Variants in ELAVL4 observed in about 807,000 individuals in gnomAD.
ELAVL4 encodes ELAV-like protein 4.
Under a neutral mutation model 35.6 loss-of-function variants are expected in ELAVL4, and 1 was observed. That is an observed-to-expected ratio of 0.03 (90% CI 0.01 to 0.13). ELAVL4 has a LOEUF of 0.13. ELAVL4 is among the 10% of genes least tolerant of loss of function. The pLI is 1.00. For missense variants in ELAVL4, 267 were observed against 464.9 expected, an observed-to-expected ratio of 0.57 and a Z score of 3.91; for synonymous variants, 156 against 171.0, an observed-to-expected ratio of 0.91 and a Z score of 0.69.
intron 1 of ELAVL4, among the ~76,000 whole-genome samples, chr1:50,068,018 A>G (rs1664345629): frequency 6.6e-6 from 1 of 152,188 alleles, no homozygotes; most frequent in Non-Finnish European, 1.5e-5. Context: ...GGATTATGGG[A>G]ACTATAATTC....
chr1:50,075,653 C>T (rs1006977625), intron 1 of ELAVL4, among the ~76,000 whole-genome samples: 1 of 152,170 alleles, frequency 6.6e-6, no homozygotes, highest in Non-Finnish European at 1.5e-5. Flanking sequence ...CCTATACTTA[C>T]AATGGTTCAA....
intron 2 of ELAVL4, chr1:50,174,330 A>G (rs1423142278): frequency 6.6e-6 from 1 of 152,158 alleles, no homozygotes; most frequent in African/African-American, 2.4e-5. Context: ...AGACTATCTC[A>G]TATCTTTCAA....
chr1:50,126,805 T>A (rs1255969724), intron 1 of ELAVL4, among the ~76,000 whole-genome samples: 1 of 151,936 alleles, frequency 6.6e-6, no homozygotes. Flanking sequence ...AAAACAAAAC[T>A]CCCCCATGAA....
chr1:50,135,183 T>TG (rs1236972926), intron 1 of ELAVL4, among the ~76,000 whole-genome samples: 4 of 152,116 alleles, frequency 2.6e-5, no homozygotes, highest in African/African-American at 9.7e-5. Context: ...GAGCAGAAGT[T>TG]GCTGTTTGAA....
chr1:50,078,165 A>G (rs1664851443), intron 1 of ELAVL4, among the ~76,000 whole-genome samples: 1 of 151,190 alleles, frequency 6.6e-6, no homozygotes, highest in Admixed American at 6.6e-5. Context: ...GTGTGTTTAT[A>G]TATCTATGTG....
chr1:50,052,480 T>C (rs562684341), intron 1 of ELAVL4, among the ~76,000 whole-genome samples: 1 of 152,332 alleles, frequency 6.6e-6, no homozygotes, highest in South Asian at 2.1e-4. Context: ...CTAATCTTTC[T>C]AGTTTTATAG....
At chr1:50,085,953 CAT>C (rs1208631548) in intron 1 of ELAVL4, among the ~76,000 whole-genome samples, 2 of 152,144 alleles carry the variant, frequency 1.3e-5, no homozygotes, top group Non-Finnish European at 2.9e-5. Context: ...TGTTTTCCCA[CAT>C]GTTTGTTCAC....
intron 2 of ELAVL4, among the ~76,000 whole-genome samples, chr1:50,152,099 A>G (rs1259659585): frequency 2.0e-5 from 3 of 152,116 alleles, no homozygotes; most frequent in African/African-American, 7.2e-5. Flanking sequence ...GTGCAGGTAC[A>G]TTATGCATCT....
intron 1 of ELAVL4, among the ~76,000 whole-genome samples, chr1:50,120,714 G>A (rs1357508902): frequency 1.3e-5 from 2 of 152,010 alleles, no homozygotes; most frequent in African/African-American, 4.8e-5. Context: ...GATGCTCATT[G>A]GTGAAGTCAC....
In ELAVL4 at chr1:50,183,938, G is replaced by A. The variant is rs185715565; in HGVS notation, c.354+6746G>A. Among the ~76,000 whole-genome samples the A allele has an allele frequency of 5.9e-5, 9 of 152,132 alleles. No individual in the cohort carries two copies. The East Asian group carries it at 1.2e-3, about 20-fold the overall frequency. ...GCATTTTCTCTCCTCCTCCATTACCGCTAGTCACAACCTGGGCGAGAATGC... is the reference window on the plus strand; with the variant it reads ...GCATTTTCTCTCCTCCTCCATTACCACTAGTCACAACCTGGGCGAGAATGC... On this transcript the variant is annotated intron_variant, in intron 3 of 6. Coordinates refer to ENST00000371824, the MANE Select transcript of ELAVL4 (RefSeq NM_001144774.3).
chr1:50,118,481 C>T (rs1480220010), intron 1 of ELAVL4, among the ~76,000 whole-genome samples: 2 of 121,764 alleles, frequency 1.6e-5, no homozygotes, highest in African/African-American at 8.2e-5. Context: ...ATTCATTACC[C>T]TCCCATTTGA....
chr1:50,093,165 T>G (rs1258515056), intron 1 of ELAVL4, among the ~76,000 whole-genome samples: 1 of 152,230 alleles, frequency 6.6e-6, no homozygotes, highest in East Asian at 1.9e-4. Context: ...GAGAATAGCT[T>G]GGGCAAAGAA....
At chr1:50,129,181 GCT>G (rs1440249108) in intron 1 of ELAVL4, among the ~76,000 whole-genome samples, 2 of 152,078 alleles carry the variant, frequency 1.3e-5, no homozygotes, top group African/African-American at 2.4e-5. Flanking sequence ...AATGACACTT[GCT>G]CTGTTATCTC....
At chr1:50,173,936 G>C (rs2148816373) in intron 2 of ELAVL4, among the ~76,000 whole-genome samples, 1 of 152,238 alleles carries the variant, frequency 6.6e-6, no homozygotes, top group Middle Eastern at 3.4e-3. Flanking sequence ...GGCCCTCCCA[G>C]CATAGCATTT....
intron 1 of ELAVL4, among the ~76,000 whole-genome samples, chr1:50,095,437 G>A (rs1665680411): frequency 6.6e-6 from 1 of 151,976 alleles, no homozygotes; most frequent in Admixed American, 6.5e-5. Context: ...AGAAAAAAAA[G>A]GTTGAAAATA....
At chr1:50,184,612 A>G (rs1388934081) in intron 3 of ELAVL4, among the ~76,000 whole-genome samples, 1 of 152,208 alleles carries the variant, frequency 6.6e-6, no homozygotes, top group Non-Finnish European at 1.5e-5. Flanking sequence ...TCACCTCACA[A>G]TGGTTGCTTT....
At chr1:50,050,700 T>C (rs1663308551) in intron 1 of ELAVL4, among the ~76,000 whole-genome samples, 1 of 152,166 alleles carries the variant, frequency 6.6e-6, no homozygotes, top group Non-Finnish European at 1.5e-5. Context: ...GTACTAGTTT[T>C]CATTAGTAGC....
chr1:50,143,397 A>G (rs1363415327), intron 1 of ELAVL4, among the ~76,000 whole-genome samples: 1 of 152,202 alleles, frequency 6.6e-6, no homozygotes, highest in Non-Finnish European at 1.5e-5. Context: ...AATATGCTTC[A>G]TTGCCTTCTT....
At chr1:50,075,512 A>G (rs189060661) in intron 1 of ELAVL4, among the ~76,000 whole-genome samples, 2 of 152,200 alleles carry the variant, frequency 1.3e-5, no homozygotes, top group Admixed American at 1.3e-4. Flanking sequence ...CTCTAGCCCT[A>G]GTCTCATCAT....
Sources: allele counts gnomAD v4.1 joint callset (sites outside exome capture counted in the v4.1 genomes callset), GRCh38; gene constraint gnomAD v4.1.1; transcripts MANE v1.5; gene names NCBI Gene and HGNC (gene_info 2026-07-23, HGNC 2026-07-21).